Variants in ZNF286A observed in about 807,000 individuals in gnomAD.
ZNF286A encodes zinc finger protein ZNF286.
In ZNF286A, 34 loss-of-function variants were observed where a neutral mutation model predicts 49.3. That is an observed-to-expected ratio of 0.69 (90% CI 0.52 to 0.92). ZNF286A has a LOEUF of 0.92. Among genes scored for constraint, ZNF286A ranks in the 40% least tolerant of loss-of-function variants. The pLI is 0.00. For synonymous variants in ZNF286A, 155 were observed against 200.4 expected, an observed-to-expected ratio of 0.77 and a Z score of 1.91; for missense variants, 462 against 600.2, an observed-to-expected ratio of 0.77 and a Z score of 2.41.
At chr17:15,708,044 G>A (rs1444563036) in intron 4 of ZNF286A, 111 bp from the exon 5 acceptor site, 3 of 561,478 alleles carry the variant, frequency 5.3e-6, no homozygotes, top group Non-Finnish European at 8.3e-6. Context: ...AAAGAAAGTT[G>A]GAATTCACTA....
chr17:15,720,718 A>G lies in ZNF286A; in HGVS notation c.*3428A>G, dbSNP rs1967327803. 6.6e-6 allele frequency: 1 copy of G among 151,688 alleles called. No homozygotes were observed. Among genetic ancestry groups the G allele is most frequent in the Non-Finnish European group, 1.5e-5 (1 of 67,968 alleles). The allele number at this position is 151,688 out of a possible 1,614,324, so 9.4% of individuals were successfully genotyped here. On this transcript the variant is annotated 3_prime_UTR_variant, in exon 6 of 6. Transcript: ENST00000583566. Reference sequence around the variant, plus strand: ...TTATGCATTTCAAATGTTTTTGGTTATCTGTAAACTAAATGTGCCCTTATT... The same window carrying G: ...TTATGCATTTCAAATGTTTTTGGTTGTCTGTAAACTAAATGTGCCCTTATT...
intron 1 of ZNF286A, 37 bp downstream of exon 1, chr17:15,699,814 G>C (rs377200402): frequency 1.9e-4 from 134 of 702,824 alleles, no homozygotes; most frequent in East Asian, 1.9e-3. Context: ...GTCTCGGCTC[G>C]GCCTCGGCGG....
chr17:15,706,038 CT>C (rs1008172619), intron 3 of ZNF286A, among the ~76,000 whole-genome samples: 9 of 152,216 alleles, frequency 5.9e-5, no homozygotes, highest in African/African-American at 2.2e-4. Context: ...GTAGACGTGA[CT>C]TTTTTTCCCT....
In ZNF286A at chr17:15,716,334, C is replaced by G. The variant is rs1967049027; in HGVS notation, c.610C>G (p.Leu204Val). Residue 204 changes from leucine (L) to valine (V), a missense_variant, in exon 6 of 6, where the codon CTT becomes GTT. Coordinates refer to ENST00000583566, the MANE Select transcript of ZNF286A (RefSeq NM_001130842.2). ...YWKSFNQKSV[L>V]ITEDRVPKGS... ...GAAAAGCTTCAATCAGAAATCTGTC[C>G]TTATCACTGAAGACAGAGTTCCCAA... 1 of 1,613,714 alleles carries G rather than the reference C, an allele frequency of 6.2e-7. No individual in the cohort carries two copies. The highest frequency in any genetic ancestry group is 1.3e-5 in the African/African-American group (1 of 74,904).
chr17:15,716,780 G>C lies in ZNF286A; in HGVS notation c.1056G>C (p.Lys352Asn). 1 of 1,613,910 alleles carries C rather than the reference G, an allele frequency of 6.2e-7. No homozygotes were observed. The highest frequency in any genetic ancestry group is 1.3e-5 in the African/African-American group (1 of 75,034). ...ATCAGTTGATTCATACTGGAGTGAAGCCTTATGAATGTAATGAATGTGATA... is the reference window on the plus strand; with the variant it reads ...ATCAGTTGATTCATACTGGAGTGAACCCTTATGAATGTAATGAATGTGATA... ...VQHQLIHTGV[K>N]PYECNECDKA... Residue 352 changes from lysine to asparagine, a missense_variant, in exon 6 of 6, where the codon AAG becomes AAC. Lys to Asn is a moderately conservative substitution (Grantham distance 94). Coordinates refer to ENST00000583566, the MANE Select transcript of ZNF286A (RefSeq NM_001130842.2).
At position 15,703,263 on chromosome 17, in the gene ZNF286A, G is replaced by A. The variant is rs535489810; in HGVS notation, c.126+2023G>A. On this transcript the variant is annotated intron_variant, in intron 3 of 5. Transcript: ENST00000583566. ...AAATTAGGGCACTGGTACCAGAAGC[G>A]TGAATATATATTTCAATACTTTGAT... 1.2e-4 allele frequency among the ~76,000 whole-genome samples: 18 copies of A among 151,030 alleles called. No homozygotes were observed. In the East Asian group the frequency reaches 2.7e-3, roughly 23 times the overall value.
chr17:15,706,334 T>G, intron 3 of ZNF286A, 53 bp from the exon 4 acceptor site: 1 of 1,480,740 alleles, frequency 6.8e-7, no homozygotes, highest in Non-Finnish European at 9.4e-7. Context: ...AACTGGGGGA[T>G]GAAAGAGAAG....
Position 15,701,256 on chromosome 17 carries a change from T to G in ZNF286A, c.126+16T>G, listed in dbSNP as rs1294661774. 3.7e-6 allele frequency: 6 copies of G among 1,613,260 alleles called. No homozygotes were observed. In the East Asian group the frequency reaches 1.1e-4, roughly 30 times the overall value. On this transcript the variant is annotated intron_variant, in intron 3 of 5. Transcript: ENST00000583566. Reference sequence around the variant, plus strand: ...CAGATCCCAGGTGAGTGAGTGCTGATTATTGGAATTACACCTTGTTTCTTA... The same window carrying G: ...CAGATCCCAGGTGAGTGAGTGCTGAGTATTGGAATTACACCTTGTTTCTTA...
chr17:15,705,528 T>G (rs796894734), intron 3 of ZNF286A, among the ~76,000 whole-genome samples: 32 of 152,332 alleles, frequency 2.1e-4, no homozygotes, highest in African/African-American at 7.0e-4. Flanking sequence ...TTTCATTATT[T>G]TCATATTTTG....
chr17:15,708,773 C>T (rs371741605), intron 5 of ZNF286A, among the ~76,000 whole-genome samples: 21 of 152,300 alleles, frequency 1.4e-4, no homozygotes, highest in African/African-American at 5.1e-4. Context: ...TTTGTTGCTG[C>T]ATATCATCAT....
At position 15,716,239 on chromosome 17, in the gene ZNF286A, A is replaced by G. The variant is rs1967044048; in HGVS notation, c.515A>G (p.His172Arg). 3 of 1,613,812 alleles carry G rather than the reference A, an allele frequency of 1.9e-6. No homozygotes were observed. Among genetic ancestry groups the G allele is most frequent in the Admixed American group, 1.7e-5 (1 of 60,006 alleles). ...AATCAGCAAGGAAATCAGGAGAGAC[A>G]TTTGAGAGAAATGTTCACTCACATG... ...LENQQGNQERHLREMFTHMNS... is the reference protein window; with the variant it reads ...LENQQGNQERRLREMFTHMNS... Residue 172 changes from histidine to arginine, a missense_variant, in exon 6 of 6, where the codon CAT becomes CGT. Coordinates refer to ENST00000583566, the MANE Select transcript of ZNF286A (RefSeq NM_001130842.2).
chr17:15,715,157 A>G (rs991131367), intron 5 of ZNF286A, among the ~76,000 whole-genome samples: 23 of 151,964 alleles, frequency 1.5e-4, no homozygotes, highest in African/African-American at 4.8e-4. Flanking sequence ...CCTCTCTCCC[A>G]TGTTCTGATG....
At chr17:15,714,558 A>G (rs999544126) in intron 5 of ZNF286A, among the ~76,000 whole-genome samples, 1 of 152,156 alleles carries the variant, frequency 6.6e-6, no homozygotes, top group Non-Finnish European at 1.5e-5. Flanking sequence ...AGCTATTGCT[A>G]TCATTCCTTG....
At chr17:15,702,698 A>G (rs922609330) in intron 3 of ZNF286A, among the ~76,000 whole-genome samples, 1 of 152,212 alleles carries the variant, frequency 6.6e-6, no homozygotes, top group Non-Finnish European at 1.5e-5. Flanking sequence ...GCCTGTCTCC[A>G]TTGGCTTCTC....
chr17:15,715,668 AT>A (rs1418463946), intron 5 of ZNF286A, among the ~76,000 whole-genome samples: 1 of 152,148 alleles, frequency 6.6e-6, no homozygotes, highest in African/African-American at 2.4e-5. Context: ...TTTAGAAGCC[AT>A]AACTGTACTG....
intron 4 of ZNF286A, among the ~76,000 whole-genome samples, chr17:15,707,111 C>T (rs558851054): frequency 2.0e-5 from 3 of 152,132 alleles, no homozygotes; most frequent in South Asian, 2.1e-4. Context: ...GACTGTTAGC[C>T]CCTCCCAAAC....
intron 4 of ZNF286A, 78 bp downstream of exon 4, chr17:15,706,579 C>G (rs932306982): frequency 9.0e-7 from 1 of 1,109,622 alleles, no homozygotes; most frequent in African/African-American, 1.6e-5. Context: ...CTTAACAAAG[C>G]CTTCACCTTT....
chr17:15,713,368 T>A (rs1001103931), intron 5 of ZNF286A, among the ~76,000 whole-genome samples: 1 of 152,280 alleles, frequency 6.6e-6, no homozygotes, highest in Non-Finnish European at 1.5e-5. Flanking sequence ...ATCTCTTTAA[T>A]GTATGACATT....
chr17:15,713,614 A>G lies in ZNF286A; in HGVS notation c.335-2445A>G, dbSNP rs549165393. ...CAATGTAGAATCTGAAACCACATCC[A>G]TAAATTTTTCATATATTGAAATCTA... On this transcript the variant is annotated intron_variant, in intron 5 of 5. Coordinates refer to ENST00000583566, the MANE Select transcript of ZNF286A (RefSeq NM_001130842.2). Among the ~76,000 whole-genome samples, 171 of 151,934 alleles carry G rather than the reference A, an allele frequency of 1.1e-3. 2 individuals carry two copies. In the Middle Eastern group the frequency reaches 0.02, roughly 18 times the overall value.
Sources: allele counts gnomAD v4.1 joint callset (sites outside exome capture counted in the v4.1 genomes callset), GRCh38; gene constraint gnomAD v4.1.1; transcripts MANE v1.5; gene names NCBI Gene and HGNC (gene_info 2026-07-23, HGNC 2026-07-21).